The following LTBP1 variants were observed in gnomAD, a reference collection of about 807,000 sequenced individuals.
The protein encoded by LTBP1 is latent-transforming growth factor beta-binding protein 1.
In LTBP1, 129 loss-of-function variants were observed where a neutral mutation model predicts 207.6. The observed-to-expected ratio is 0.62, with a 90% CI of 0.54 to 0.72. The LOEUF is 0.72. Ranked by LOEUF, LTBP1 falls within the 30% of genes least tolerant of loss-of-function variation. The pLI is 0.00. For missense variants in LTBP1, 2,281 were observed against 2,217.2 expected (o/e 1.03, Z -0.58); for synonymous variants, 963 against 833.7 (o/e 1.16, Z -2.67).
chr2:33,273,838 A>G, intron 16 of LTBP1, 57 bp downstream of exon 16: 4 of 1,474,162 alleles, frequency 2.7e-6, no homozygotes, highest in Non-Finnish European at 2.7e-6. Context: ...AACATTAAGA[A>G]CATTTTTTTC....
chr2:33,149,974 A>G (rs1243056000), intron 5 of LTBP1, among the ~76,000 whole-genome samples: 1 of 152,226 alleles, frequency 6.6e-6, no homozygotes, highest in Non-Finnish European at 1.5e-5. Flanking sequence ...CCTTTGAAGG[A>G]TCATTTTGCC....
intron 26 of LTBP1, among the ~76,000 whole-genome samples, chr2:33,353,134 A>G (rs1381065886): frequency 1.3e-5 from 2 of 151,690 alleles, no homozygotes; most frequent in African/African-American, 2.4e-5. Flanking sequence ...CTGTGCCACC[A>G]TGCCCACCTA....
chr2:33,242,287 A>G (rs969754957), intron 9 of LTBP1, among the ~76,000 whole-genome samples: 1 of 152,216 alleles, frequency 6.6e-6, no homozygotes, highest in East Asian at 1.9e-4. Flanking sequence ...TTGATTTTCA[A>G]TTAATTACCT....
intron 3 of LTBP1, among the ~76,000 whole-genome samples, chr2:33,039,212 C>T (rs2076068036): frequency 6.6e-6 from 1 of 151,704 alleles, no homozygotes; most frequent in African/African-American, 2.4e-5. Flanking sequence ...CATTATCATT[C>T]TAGGAAGAGT....
chr2:32,965,419 A>G (rs183509686), intron 2 of LTBP1, among the ~76,000 whole-genome samples: 126 of 152,240 alleles, frequency 8.3e-4, no homozygotes, highest in Non-Finnish European at 1.4e-3. Flanking sequence ...AATAACATAC[A>G]TCTACAGTAT....
intron 13 of LTBP1, among the ~76,000 whole-genome samples, chr2:33,260,244 G>A (rs1009740526): frequency 8.6e-5 from 13 of 151,952 alleles, no homozygotes; most frequent in African/African-American, 3.1e-4. Context: ...TCTGAATCCG[G>A]CTTTCTTTCT....
chr2:33,191,937 G>A (rs1447869670), intron 7 of LTBP1, among the ~76,000 whole-genome samples: 1 of 152,112 alleles, frequency 6.6e-6, no homozygotes, highest in Non-Finnish European at 1.5e-5. Context: ...AGTAAACTTG[G>A]GATTGAACAC....
intron 32 of LTBP1, among the ~76,000 whole-genome samples, chr2:33,391,938 C>T (rs1032995358): frequency 6.6e-6 from 1 of 152,164 alleles, no homozygotes; most frequent in African/African-American, 2.4e-5. Flanking sequence ...ACATTTCTTA[C>T]AAGTTGCAGA....
intron 22 of LTBP1, among the ~76,000 whole-genome samples, chr2:33,302,220 A>G (rs1463097263): frequency 2.0e-5 from 3 of 152,074 alleles, no homozygotes; most frequent in Non-Finnish European, 4.4e-5. Context: ...CTTCTTTTTC[A>G]CTTTTACCAC....
rs760899318 is a variant in LTBP1 at position 33,134,942 on chromosome 2, G to A, written c.1183G>A (p.Ala395Thr). The change falls in exon 5 of 34, where the codon GCC becomes ACC. Residue 395 changes from alanine (A) to threonine (T), a missense_variant. Ala to Thr is a moderately conservative substitution (Grantham distance 58). Coordinates refer to ENST00000404816, the MANE Select transcript of LTBP1 (RefSeq NM_206943.4). This position sits in a 1 kb window ranked among gnomAD's most constrained non-coding sequence, Gnocchi z 4.4. ...ENGHAADTLT[A>T]TNFRVVICHL... ...TGGTCATGCTGCCGACACCCTGACG[G>A]CCACGAACTTCCGAGTGGGTGAGTT... is the stretch of plus-strand genomic sequence containing the variant. 3 of 1,612,080 alleles carry A rather than the reference G, an allele frequency of 1.9e-6. No homozygotes were observed. The Admixed American group carries it at 5.0e-5, about 27-fold the overall frequency.
At chr2:33,056,247 G>T in intron 3 of LTBP1, 1 of 420,222 alleles carries the variant, frequency 2.4e-6, no homozygotes. Context: ...AGCTTAGGAT[G>T]CATTTCAAGG....
intron 22 of LTBP1, among the ~76,000 whole-genome samples, chr2:33,303,288 G>A (rs747882435): frequency 3.3e-5 from 5 of 151,852 alleles, no homozygotes; most frequent in Non-Finnish European, 7.4e-5. Flanking sequence ...CCTGGATGGG[G>A]TTGAGGGGAT....
chr2:32,957,534 T>C (rs189590602), intron 2 of LTBP1, among the ~76,000 whole-genome samples: 2 of 152,278 alleles, frequency 1.3e-5, no homozygotes, highest in African/African-American at 4.8e-5. Flanking sequence ...AAGTTTTCTG[T>C]CTTATATTGG....
At chr2:33,186,201 C>A (rs1304402336) in intron 5 of LTBP1, among the ~76,000 whole-genome samples, 3 of 152,076 alleles carry the variant, frequency 2.0e-5, no homozygotes, top group African/African-American at 7.2e-5. Flanking sequence ...AGAAAATTTT[C>A]AACAAATATT....
chr2:33,134,982 A>C lies in LTBP1; in HGVS notation c.1201+22A>C. The C allele has an allele frequency of 6.3e-7, 1 of 1,584,508 alleles. No individual in the cohort carries two copies. The highest frequency in any genetic ancestry group is 8.6e-7 in the Non-Finnish European group (1 of 1,165,022). ...GTGGGTGAGTTCCTCCACGGTCCCT[A>C]ACTGTCCTTACTGAGTCGAGTTTTA... On this transcript the variant is annotated intron_variant, in intron 5 of 33. Coordinates refer to ENST00000404816, the MANE Select transcript of LTBP1 (RefSeq NM_206943.4). The surrounding 1 kb of genome is among the most constrained non-coding windows in gnomAD (Gnocchi z 4.4).
chr2:33,289,413 A>G (rs888863789), intron 19 of LTBP1, among the ~76,000 whole-genome samples: 9 of 152,144 alleles, frequency 5.9e-5, no homozygotes, highest in Admixed American at 5.2e-4. Flanking sequence ...AGGCTGGAGT[A>G]CAACAGCATG....
intron 26 of LTBP1, among the ~76,000 whole-genome samples, chr2:33,354,877 A>C: frequency 6.6e-6 from 1 of 152,092 alleles, no homozygotes; most frequent in East Asian, 1.9e-4. Flanking sequence ...AGTAGCTAGG[A>C]TTACAGGCCC....
At chr2:33,230,816 TGACA>T (rs2091741690) in intron 9 of LTBP1, among the ~76,000 whole-genome samples, 1 of 152,240 alleles carries the variant, frequency 6.6e-6, no homozygotes, top group Non-Finnish European at 1.5e-5. Flanking sequence ...GTATCTCTTT[TGACA>T]TACCAAAGTC....
intron 3 of LTBP1, among the ~76,000 whole-genome samples, chr2:33,037,420 CT>C (rs2075978658): frequency 6.6e-6 from 1 of 152,182 alleles, no homozygotes; most frequent in Non-Finnish European, 1.5e-5. Flanking sequence ...GTTATACCCA[CT>C]GTCATCTTTT....
Sources: allele counts gnomAD v4.1 joint callset (sites outside exome capture counted in the v4.1 genomes callset), GRCh38; gene constraint gnomAD v4.1.1; non-coding constraint Gnocchi (gnomAD v3.1); transcripts MANE v1.5; gene names NCBI Gene and HGNC (gene_info 2026-07-23, HGNC 2026-07-21).